The following LHFPL3 variants were observed in gnomAD, a reference collection of about 807,000 sequenced individuals.
LHFPL3 encodes LHFPL tetraspan subfamily member 3, also known as LHFPL tetraspan subfamily member 3 protein.
LHFPL3 carries 5 observed loss-of-function variants against 19.3 expected under a neutral mutation model. That is an observed-to-expected ratio of 0.26 (90% CI 0.14 to 0.54). LHFPL3 has a LOEUF of 0.54. LHFPL3 is among the 20% of genes least tolerant of loss of function. LHFPL3 has a pLI of 0.94. For missense variants in LHFPL3, 249 were observed against 307.4 expected (o/e 0.81, Z 1.42); for synonymous variants, 133 against 126.2 (o/e 1.05, Z -0.36).
rs12670024 is a variant in LHFPL3, at chr7:104,792,729, T to G, written c.682+55818T>G. Among the ~76,000 whole-genome samples the G allele has an allele frequency of 2.1e-3, 326 of 152,298 alleles. 4 individuals carry two copies. The East Asian group carries it at 0.036, about 17-fold the overall frequency. The stretch of plus-strand genomic sequence containing the variant: ...GATCCACAAATATGCTGAGTTTGGA[T>G]AGCTGGTAAACTCAATTCTGCATCT... On this transcript the variant is annotated intron_variant, in intron 2 of 2. Transcript: ENST00000424859.
chr7:104,836,561 G>A (rs1791099111), intron 2 of LHFPL3, among the ~76,000 whole-genome samples: 1 of 152,184 alleles, frequency 6.6e-6, no homozygotes, highest in African/African-American at 2.4e-5. Context: ...GTAACAGGAT[G>A]AAAGCAGTGA....
At chr7:104,880,626 T>C (rs572293592) in intron 2 of LHFPL3, among the ~76,000 whole-genome samples, 10 of 151,864 alleles carry the variant, frequency 6.6e-5, no homozygotes, top group Middle Eastern at 3.4e-3. Flanking sequence ...CTTTACAGCA[T>C]GGTTTACTTA....
intron 1 of LHFPL3, among the ~76,000 whole-genome samples, chr7:104,488,970 C>T (rs912151836): frequency 5.9e-5 from 9 of 152,132 alleles, no homozygotes; most frequent in African/African-American, 1.7e-4. Flanking sequence ...GGGCATGTGA[C>T]CCGTGTAGTC....
intron 1 of LHFPL3, among the ~76,000 whole-genome samples, chr7:104,726,332 C>T (rs35695193): frequency 0.33 from 46,315 of 140,252 alleles, 7,994 homozygotes; most frequent in East Asian, 0.77. Context: ...GGACCAAAGA[C>T]TATTTTTTTT....
chr7:104,588,396 T>G (rs937538275), intron 1 of LHFPL3, among the ~76,000 whole-genome samples: 4 of 152,228 alleles, frequency 2.6e-5, no homozygotes, highest in African/African-American at 9.6e-5. Context: ...TTGCTTGTTT[T>G]TGTCAGGTTT....
At chr7:104,467,706 C>T (rs559658547) in intron 1 of LHFPL3, among the ~76,000 whole-genome samples, 3 of 152,152 alleles carry the variant, frequency 2.0e-5, no homozygotes, top group South Asian at 2.1e-4. Flanking sequence ...TAGATACACT[C>T]GGACAGGATT....
intron 1 of LHFPL3, among the ~76,000 whole-genome samples, chr7:104,608,921 T>G (rs1791158932): frequency 6.6e-6 from 1 of 152,114 alleles, no homozygotes; most frequent in South Asian, 2.1e-4. Context: ...AAGAATTAAA[T>G]GAGATAATAA....
chr7:104,603,417 G>A (rs1180483156), intron 1 of LHFPL3, among the ~76,000 whole-genome samples: 2 of 151,866 alleles, frequency 1.3e-5, no homozygotes, highest in African/African-American at 4.8e-5. Flanking sequence ...CTCAGGCTGG[G>A]ATTAAACCAC....
At chr7:104,433,958 G>A (rs1410922005) in intron 1 of LHFPL3, among the ~76,000 whole-genome samples, 1 of 152,096 alleles carries the variant, frequency 6.6e-6, no homozygotes, top group Non-Finnish European at 1.5e-5. Context: ...CTAATGTAAA[G>A]CATGGACTTT....
At chr7:104,892,017 C>T (rs1001303108) in intron 2 of LHFPL3, among the ~76,000 whole-genome samples, 1 of 152,250 alleles carries the variant, frequency 6.6e-6, no homozygotes, top group African/African-American at 2.4e-5. Flanking sequence ...TATGACTTCT[C>T]ATCCTTATGA....
chr7:104,354,713 G>T (rs889303680), intron 1 of LHFPL3, among the ~76,000 whole-genome samples: 1 of 152,076 alleles, frequency 6.6e-6, no homozygotes, highest in Admixed American at 6.6e-5. Context: ...GAAGGTCATG[G>T]TCAGGACCCT....
intron 2 of LHFPL3, among the ~76,000 whole-genome samples, chr7:104,742,300 T>C (rs185414117): frequency 2.0e-5 from 3 of 152,314 alleles, no homozygotes; most frequent in African/African-American, 4.8e-5. Context: ...TTGGGTCCTC[T>C]CCTGAACAAT....
intron 2 of LHFPL3, among the ~76,000 whole-genome samples, chr7:104,847,148 A>C (rs542638565): frequency 2.0e-5 from 3 of 152,172 alleles, no homozygotes; most frequent in Admixed American, 1.3e-4. Flanking sequence ...GGTCATCTCA[A>C]ATCTGCCAAT....
At chr7:104,401,454 A>G (rs1279880857) in intron 1 of LHFPL3, among the ~76,000 whole-genome samples, 2 of 152,216 alleles carry the variant, frequency 1.3e-5, no homozygotes, top group East Asian at 1.9e-4. Flanking sequence ...AGTAGTGTTC[A>G]GAGGACCAGA....
At chr7:104,887,755 G>A (rs1035216412) in intron 2 of LHFPL3, among the ~76,000 whole-genome samples, 29 of 152,320 alleles carry the variant, frequency 1.9e-4, no homozygotes, top group South Asian at 1.2e-3. Flanking sequence ...AAGAATGGAC[G>A]TTCTCTTATG....
intron 1 of LHFPL3, among the ~76,000 whole-genome samples, chr7:104,339,200 A>G (rs1327287701): frequency 1.3e-5 from 2 of 152,108 alleles, no homozygotes; most frequent in Non-Finnish European, 2.9e-5. Flanking sequence ...GTGAGCCGAG[A>G]TGTTGCCATT....
At chr7:104,366,650 T>C (rs996843021) in intron 1 of LHFPL3, among the ~76,000 whole-genome samples, 1 of 152,222 alleles carries the variant, frequency 6.6e-6, no homozygotes. Flanking sequence ...TGTTGCCAGC[T>C]GTGCCTCCCA....
chr7:104,604,603 T>A (rs1791054849), intron 1 of LHFPL3, among the ~76,000 whole-genome samples: 1 of 152,258 alleles, frequency 6.6e-6, no homozygotes, highest in African/African-American at 2.4e-5. Context: ...CTTTTAATTA[T>A]AAGTTTCATA....
chr7:104,464,823 G>A (rs1184595829), intron 1 of LHFPL3, among the ~76,000 whole-genome samples: 1 of 151,966 alleles, frequency 6.6e-6, no homozygotes, highest in Non-Finnish European at 1.5e-5. Flanking sequence ...GAAGATCTCT[G>A]ACTTGCCCTG....
Sources: gnomAD v4.1 joint callset for allele counts (sites outside exome capture counted in the v4.1 genomes callset) on GRCh38, gnomAD v4.1.1 for gene constraint, MANE v1.5 for transcripts, NCBI Gene and HGNC (gene_info 2026-07-23, HGNC 2026-07-21) for gene names.